Variants in DCDC1 observed in about 807,000 individuals in gnomAD.
The protein encoded by DCDC1 is doublecortin domain-containing protein 1.
DCDC1 carries 200 observed loss-of-function variants against 178.3 expected under a neutral mutation model. That is an observed-to-expected ratio of 1.12 (90% CI 1.00 to 1.26). DCDC1 has a LOEUF of 1.26. DCDC1 is among the 50% of genes most tolerant of loss of function. DCDC1 has a pLI of 0.00. For synonymous variants in DCDC1, 690 were observed against 604.8 expected (o/e 1.14, Z -2.07); for missense variants, 1,983 against 1,749.2 (o/e 1.13, Z -2.38).
At chr11:30,919,557 T>G (rs1946094925) in intron 25 of DCDC1, among the ~76,000 whole-genome samples, 1 of 152,182 alleles carries the variant, frequency 6.6e-6, no homozygotes, top group South Asian at 2.1e-4. Flanking sequence ...GACACATTCT[T>G]TAGAAGGGGA....
chr11:31,173,168 T>TTTC (rs1967484039), intron 9 of DCDC1, among the ~76,000 whole-genome samples: 3 of 152,212 alleles, frequency 2.0e-5, no homozygotes, highest in African/African-American at 7.2e-5. Context: ...TGTATAAAAA[T>TTTC]ATTTTTGTTT....
intron 18 of DCDC1, among the ~76,000 whole-genome samples, chr11:31,075,071 C>T (rs546640726): frequency 1.3e-5 from 2 of 152,184 alleles, no homozygotes; most frequent in Admixed American, 1.3e-4. Flanking sequence ...TCTGAGTCTC[C>T]AATATCTATC....
At chr11:31,064,879 A>G (rs1956160392) in intron 19 of DCDC1, 140 bp downstream of exon 19, 1 of 567,936 alleles carries the variant, frequency 1.8e-6, no homozygotes, top group Non-Finnish European at 3.1e-6. Flanking sequence ...ATATTATATT[A>G]TGTGTATTAT....
At chr11:30,869,375 G>T (rs1043441825) in intron 38 of DCDC1, among the ~76,000 whole-genome samples, 24 of 152,230 alleles carry the variant, frequency 1.6e-4, no homozygotes, top group African/African-American at 5.5e-4. Flanking sequence ...TTGAAAAGCA[G>T]ATATTTCAAT....
chr11:30,877,257 G>A (rs980734593), intron 38 of DCDC1, among the ~76,000 whole-genome samples: 3 of 152,130 alleles, frequency 2.0e-5, no homozygotes, highest in Non-Finnish European at 4.4e-5. Context: ...CATTAAAGTG[G>A]AGGATTGAGA....
intron 9 of DCDC1, among the ~76,000 whole-genome samples, chr11:31,185,145 A>G (rs1035149058): frequency 6.6e-6 from 1 of 152,258 alleles, no homozygotes; most frequent in African/African-American, 2.4e-5. Flanking sequence ...CATTCTCAGC[A>G]AACTAACACA....
Position 31,077,932 on chromosome 11 carries a change from C to T in DCDC1, c.2238-7G>A, listed in dbSNP as rs959084433. 19 of 765,686 alleles carry T rather than the reference C, an allele frequency of 2.5e-5. No homozygotes were observed. The highest frequency in any genetic ancestry group is 1.0e-4 in the Admixed American group (6 of 58,948). 47.4% of individuals were successfully genotyped at this position (765,686 alleles called of 1,614,324 possible). On this transcript the variant is annotated splice_polypyrimidine_tract_variant and splice_region_variant and intron_variant, in intron 17 of 38. Coordinates refer to ENST00000684477, the MANE Select transcript of DCDC1 (RefSeq NM_001387274.1). ...AGAGTCATCTCCACTATGTCTGTAA[C>T]GAAAATGTAATTTAGAGATTGACAT...
intron 7 of DCDC1, among the ~76,000 whole-genome samples, chr11:31,267,916 A>G (rs1945279140): frequency 2.0e-5 from 3 of 152,190 alleles, no homozygotes; most frequent in African/African-American, 7.2e-5. Context: ...CTGTCACTGG[A>G]GTGAAAGTAA....
chr11:31,126,678 A>C (rs565164949), intron 11 of DCDC1, among the ~76,000 whole-genome samples: 121 of 152,328 alleles, frequency 7.9e-4, no homozygotes, highest in African/African-American at 2.9e-3. Flanking sequence ...ATGATTTCTT[A>C]AATGGAAATA....
intron 9 of DCDC1, among the ~76,000 whole-genome samples, chr11:31,201,479 A>G (rs1486684845): frequency 2.0e-5 from 3 of 152,078 alleles, no homozygotes; most frequent in Non-Finnish European, 2.9e-5. Context: ...CAGATCAGGA[A>G]GAAAATGTCA....
intron 9 of DCDC1, among the ~76,000 whole-genome samples, chr11:31,227,359 G>C (rs560786990): frequency 2.0e-5 from 3 of 152,032 alleles, no homozygotes; most frequent in Non-Finnish European, 2.9e-5. Context: ...GGAAGTTCCA[G>C]GCTTTTTTAA....
intron 20 of DCDC1, among the ~76,000 whole-genome samples, chr11:31,027,800 A>G (rs940246478): frequency 6.6e-6 from 1 of 151,920 alleles, no homozygotes; most frequent in African/African-American, 2.4e-5. Context: ...AGTCATTGCT[A>G]AAGCATGCTG....
intron 7 of DCDC1, among the ~76,000 whole-genome samples, chr11:31,277,478 C>A (rs1459008395): frequency 1.3e-5 from 2 of 152,078 alleles, no homozygotes; most frequent in Admixed American, 6.6e-5. Flanking sequence ...GTAAGCTTAA[C>A]TTTATATGAA....
chr11:31,248,633 GATTT>G (rs912310293), intron 8 of DCDC1, among the ~76,000 whole-genome samples: 18 of 151,978 alleles, frequency 1.2e-4, no homozygotes, highest in African/African-American at 4.3e-4. Context: ...ACATGTTAAT[GATTT>G]ATTTAAGATG....
rs779984551 is a variant in DCDC1 at position 30,931,783 on chromosome 11, C to G, written c.2885G>C (p.Gly962Ala). Residue 962 changes from glycine (G) to alanine (A), a missense_variant, in exon 22 of 39, where the codon GGA (glycine) becomes GCA (alanine). Physicochemically the swap from Gly to Ala is moderately conservative, Grantham distance 60. Coordinates refer to ENST00000684477, the MANE Select transcript of DCDC1 (RefSeq NM_001387274.1). ...AAGTTGTTCTTACTGCGTTTTCCGT[C>G]CAGGTGAGATATCTGGACCAAGGAT... ...VTILGPDISP[G>A]RKTQCTEILN... 6.2e-7 allele frequency: 1 copy of G among 1,610,612 alleles called. No individual in the cohort carries two copies. Among genetic ancestry groups the G allele is most frequent in the Non-Finnish European group, 8.5e-7 (1 of 1,178,136 alleles).
intron 9 of DCDC1, among the ~76,000 whole-genome samples, chr11:31,206,066 A>G (rs1971829455): frequency 6.6e-6 from 1 of 152,198 alleles, no homozygotes; most frequent in Non-Finnish European, 1.5e-5. Flanking sequence ...GTTTTAGATG[A>G]CTTTAACAGA....
intron 20 of DCDC1, among the ~76,000 whole-genome samples, chr11:31,064,258 A>G (rs983304280): frequency 1.3e-5 from 2 of 152,176 alleles, no homozygotes; most frequent in African/African-American, 4.8e-5. Flanking sequence ...CATCCTAAGT[A>G]TAATAATAAA....
At chr11:30,870,478 A>G (rs1272060255) in intron 38 of DCDC1, among the ~76,000 whole-genome samples, 1 of 152,238 alleles carries the variant, frequency 6.6e-6, no homozygotes, top group African/African-American at 2.4e-5. Context: ...AGAGTGAGGT[A>G]GTAGGAAACA....
intron 20 of DCDC1, among the ~76,000 whole-genome samples, chr11:31,054,987 G>T (rs1342411557): frequency 2.6e-5 from 4 of 152,152 alleles, no homozygotes; most frequent in Non-Finnish European, 4.4e-5. Flanking sequence ...ATAAATAGTT[G>T]TGACTTAATT....
Sources: allele counts gnomAD v4.1 joint callset (sites outside exome capture counted in the v4.1 genomes callset), GRCh38; gene constraint gnomAD v4.1.1; transcripts MANE v1.5; gene names NCBI Gene and HGNC (gene_info 2026-07-23, HGNC 2026-07-21).